The following PLCL1 variants were observed in gnomAD, a reference collection of about 807,000 sequenced individuals.
PLCL1 encodes inactive phospholipase C-like protein 1.
In PLCL1, 41 loss-of-function variants were observed where a neutral mutation model predicts 84.4. That is an observed-to-expected ratio of 0.49 (90% CI 0.38 to 0.63). PLCL1 has a LOEUF of 0.63. Among genes scored for constraint, PLCL1 ranks in the 30% least tolerant of loss-of-function variants. PLCL1 has a pLI of 0.00. For synonymous variants in PLCL1, 490 were observed against 488.3 expected, an observed-to-expected ratio of 1.00 and a Z score of -0.05; for missense variants, 1,206 against 1,367.8, an observed-to-expected ratio of 0.88 and a Z score of 1.87.
chr2:197,813,229 G>C (rs1325506395), intron 1 of PLCL1, among the ~76,000 whole-genome samples: 1 of 152,152 alleles, frequency 6.6e-6, no homozygotes, highest in Non-Finnish European at 1.5e-5. Context: ...GGAGGAGAGA[G>C]AGAAGACCAT....
rs1457286816 is a variant in PLCL1 at position 198,088,906 on chromosome 2, A to T, written c.2764A>T (p.Ser922Cys). The T allele has an allele frequency of 6.2e-7, 1 of 1,612,950 alleles. No homozygotes were observed. The highest frequency in any genetic ancestry group is 2.2e-5 in the East Asian group (1 of 44,886). Residue 922 changes from serine (S) to cysteine (C), a missense_variant, in exon 3 of 6, where the codon AGT becomes TGT. Transcript: ENST00000428675. ...ACTATGTGGACTCCCTCCAATTGCCAGTCTGAAGCAGTGCCTGTTAACTCT... is the reference window on the plus strand; with the variant it reads ...ACTATGTGGACTCCCTCCAATTGCCTGTCTGAAGCAGTGCCTGTTAACTCT... ...KELCGLPPIA[S>C]LKQCLLTLSS...
At chr2:198,145,154 T>C (rs1026607282) in intron 5 of PLCL1, among the ~76,000 whole-genome samples, 1 of 152,192 alleles carries the variant, frequency 6.6e-6, no homozygotes, top group Non-Finnish European at 1.5e-5. Flanking sequence ...AGTTGCACTT[T>C]TCAAAGTGGA....
chr2:197,843,677 T>C (rs1223451900), intron 1 of PLCL1, among the ~76,000 whole-genome samples: 2 of 152,176 alleles, frequency 1.3e-5, no homozygotes, highest in Admixed American at 6.5e-5. Flanking sequence ...CAGGCTCTGC[T>C]ACTACTCTGC....
chr2:198,027,075 C>T (rs1595823), intron 1 of PLCL1, among the ~76,000 whole-genome samples: 73,569 of 151,994 alleles, frequency 0.48, 18,179 homozygotes, highest in Middle Eastern at 0.63. Flanking sequence ...ACGTTCATTA[C>T]GCATTGTCGA....
At chr2:197,983,195 CTTTTCTTTTTTTTTTTTTTT>C (rs1690150185) in intron 1 of PLCL1, among the ~76,000 whole-genome samples, 2 of 51,700 alleles carry the variant, frequency 3.9e-5, no homozygotes, top group South Asian at 6.8e-4. Flanking sequence ...TTTTTCTTTT[CTTTTCTTTTTTTTTTTTTTT>C]TTTTTTTTTT....
At chr2:197,881,150 T>C (rs1045023060) in intron 1 of PLCL1, among the ~76,000 whole-genome samples, 4 of 152,184 alleles carry the variant, frequency 2.6e-5, no homozygotes, top group Non-Finnish European at 5.9e-5. Flanking sequence ...TGGCATGTAG[T>C]ATATGCTCAC....
intron 1 of PLCL1, among the ~76,000 whole-genome samples, chr2:197,917,328 C>T (rs1473925628): frequency 6.6e-6 from 1 of 152,098 alleles, no homozygotes; most frequent in Admixed American, 6.5e-5. Flanking sequence ...ACAGAAATAG[C>T]TATCAAGCCA....
intron 1 of PLCL1, among the ~76,000 whole-genome samples, chr2:197,982,509 T>C (rs1690129004): frequency 6.6e-6 from 1 of 152,234 alleles, no homozygotes; most frequent in Non-Finnish European, 1.5e-5. Flanking sequence ...TCTGTTTCAC[T>C]TGGTACTAGA....
At chr2:198,057,475 G>A (rs1692096073) in intron 1 of PLCL1, among the ~76,000 whole-genome samples, 1 of 152,148 alleles carries the variant, frequency 6.6e-6, no homozygotes, top group African/African-American at 2.4e-5. Flanking sequence ...CATTTCAAAG[G>A]TGCAGAGAGA....
intron 1 of PLCL1, among the ~76,000 whole-genome samples, chr2:197,959,971 A>AC (rs1356407100): frequency 2.0e-5 from 3 of 152,006 alleles, no homozygotes; most frequent in Admixed American, 2.0e-4. Flanking sequence ...TGGCACCTCC[A>AC]CCTCTCAATT....
intron 1 of PLCL1, among the ~76,000 whole-genome samples, chr2:197,879,896 A>T (rs573387228): frequency 6.6e-6 from 1 of 152,212 alleles, no homozygotes; most frequent in African/African-American, 2.4e-5. Flanking sequence ...ATTTAGTAAT[A>T]TCATGAATGT....
At chr2:198,111,170 C>G (rs1481047049) in intron 5 of PLCL1, among the ~76,000 whole-genome samples, 1 of 151,842 alleles carries the variant, frequency 6.6e-6, no homozygotes, top group Non-Finnish European at 1.5e-5. Context: ...TGAAAATCTA[C>G]TACAATATAA....
At chr2:198,002,237 C>T (rs1291798960) in intron 1 of PLCL1, among the ~76,000 whole-genome samples, 2 of 152,022 alleles carry the variant, frequency 1.3e-5, no homozygotes, top group Non-Finnish European at 2.9e-5. Flanking sequence ...AGTTGATGGG[C>T]TTGTGGGTTG....
chr2:198,000,163 T>C (rs185402085), intron 1 of PLCL1, among the ~76,000 whole-genome samples: 24 of 152,220 alleles, frequency 1.6e-4, no homozygotes, highest in Non-Finnish European at 2.9e-4. Flanking sequence ...GCCAGGGTAG[T>C]TAAGGAGGGA....
intron 1 of PLCL1, among the ~76,000 whole-genome samples, chr2:197,924,389 G>T (rs1197009276): frequency 1.3e-5 from 2 of 152,184 alleles, no homozygotes; most frequent in African/African-American, 4.8e-5. Context: ...CCCTCCACTG[G>T]TATTGACAAT....
chr2:197,917,145 C>T lies in PLCL1; in HGVS notation c.240+111806C>T, dbSNP rs115762003. On this transcript the variant is annotated intron_variant, in intron 1 of 5. Coordinates refer to ENST00000428675, the MANE Select transcript of PLCL1 (RefSeq NM_006226.4). ...TAGTCTTATCACACCAGAAATTGTA[C>T]TCCTAGTTATTTACCAAATGGATTT... 7.2e-3 allele frequency among the ~76,000 whole-genome samples: 1,092 copies of T among 152,290 alleles called. 12 individuals are homozygous for T. Among genetic ancestry groups the T allele is most frequent in the African/African-American group, 0.025 (1,050 of 41,542 alleles).
intron 1 of PLCL1, among the ~76,000 whole-genome samples, chr2:198,029,642 T>G (rs1691358542): frequency 6.6e-6 from 1 of 152,036 alleles, no homozygotes; most frequent in Non-Finnish European, 1.5e-5. Flanking sequence ...CAGTGGCTGA[T>G]TATTCTTCCA....
At chr2:197,828,710 T>C (rs1244920983) in intron 1 of PLCL1, among the ~76,000 whole-genome samples, 1 of 152,146 alleles carries the variant, frequency 6.6e-6, no homozygotes, top group Non-Finnish European at 1.5e-5. Context: ...TATACATAAA[T>C]CCATAATCGA....
At chr2:197,995,922 T>G (rs1364186188) in intron 1 of PLCL1, among the ~76,000 whole-genome samples, 1 of 152,188 alleles carries the variant, frequency 6.6e-6, no homozygotes, top group East Asian at 1.9e-4. Context: ...AAGGTTAAAT[T>G]GTCACATGAG....
Sources: gnomAD v4.1 joint callset for allele counts (sites outside exome capture counted in the v4.1 genomes callset) on GRCh38, gnomAD v4.1.1 for gene constraint, MANE v1.5 for transcripts, NCBI Gene and HGNC (gene_info 2026-07-23, HGNC 2026-07-21) for gene names.